Variants in DMRTA2 observed in about 807,000 individuals in gnomAD.
DMRTA2 encodes the protein doublesex- and mab-3-related transcription factor A2.
A neutral mutation model predicts 29.7 loss-of-function variants in DMRTA2; 10 were observed. That is an observed-to-expected ratio of 0.34 (90% CI 0.21 to 0.57). The LOEUF is 0.57. Ranked by LOEUF, DMRTA2 falls within the 20% of genes least tolerant of loss-of-function variation. The pLI is 0.87. For synonymous variants in DMRTA2, 469 were observed against 402.6 expected, an observed-to-expected ratio of 1.16 and a Z score of -1.97; for missense variants, 783 against 812.1, an observed-to-expected ratio of 0.96 and a Z score of 0.44.
Position 50,421,025 on chromosome 1 carries a change from C to T in DMRTA2, c.512G>A (p.Gly171Glu). 2 of 1,509,530 alleles carry T rather than the reference C, an allele frequency of 1.3e-6. No individual in the cohort carries two copies. The highest frequency in any genetic ancestry group is 1.8e-6 in the Non-Finnish European group (2 of 1,135,732). 93.5% of individuals were successfully genotyped at this position (1,509,530 alleles called of 1,614,324 possible). ...TCCGCCTCCGGTCCCCGCGGGCGCT[C>T]CCGCTCCAGGTCCCCCGCCGTCGGC... ...CAADGGGPGAGAPAGTGGGAA... is the reference protein window; with the variant it reads ...CAADGGGPGAEAPAGTGGGAA... Residue 171 changes from glycine to glutamate, a missense_variant, in exon 2 of 3, where the codon GGA becomes GAA. Around this residue, in one of 3 missense-constraint regions of DMRTA2, gnomAD observed 667 missense variants for 624.8 expected, o/e 1.07. Coordinates refer to ENST00000404795, the MANE Select transcript of DMRTA2 (RefSeq NM_032110.3). This position sits in a 1 kb window ranked among gnomAD's most constrained non-coding sequence, Gnocchi z 8.7.
Position 50,422,676 on chromosome 1 carries a change from G to A in DMRTA2, c.-9+440C>T, listed in dbSNP as rs1007763917. On this transcript the variant is annotated intron_variant, in intron 1 of 2. Transcript: ENST00000404795. This position sits in a 1 kb window ranked among gnomAD's most constrained non-coding sequence, Gnocchi z 5.7. ...CCTCCCCTCCGGGTTTAGGGACAGAGTCGTCAGACACGCCCTCCCCGTCTT... is the reference window on the plus strand; with the variant it reads ...CCTCCCCTCCGGGTTTAGGGACAGAATCGTCAGACACGCCCTCCCCGTCTT... Among the ~76,000 whole-genome samples the A allele has an allele frequency of 2.6e-5, 4 of 152,200 alleles. No homozygotes were observed. Among genetic ancestry groups the A allele is most frequent in the African/African-American group, 7.2e-5 (3 of 41,454 alleles).
Position 50,421,474 on chromosome 1 carries a change from C to T in DMRTA2, c.63G>A (p.Ala21=). 7.8e-7 allele frequency: 1 copy of T among 1,277,548 alleles called. No individual in the cohort carries two copies. The highest frequency in any genetic ancestry group is 9.8e-7 in the Non-Finnish European group (1 of 1,018,360). The allele number at this position is 1,277,548 out of a possible 1,614,324, so 79.1% of individuals were successfully genotyped here. The part of the protein sequence containing the change: ...PGAATAAAAT[A]TGPPVASVAS... Reference sequence around the variant, plus strand: ...CCACCGACGCCACAGGCGGCCCCGTCGCTGTTGCCGCCGCCGCCGTCGCCG... The same window carrying T: ...CCACCGACGCCACAGGCGGCCCCGTTGCTGTTGCCGCCGCCGCCGTCGCCG... The change falls in exon 2 of 3, where the codon GCG becomes GCA. Residue 21 remains alanine, a synonymous_variant. Coordinates refer to ENST00000404795, the MANE Select transcript of DMRTA2 (RefSeq NM_032110.3). The surrounding 1 kb of genome is among the most constrained non-coding windows in gnomAD (Gnocchi z 8.7).
In DMRTA2 at chr1:50,418,663, C is replaced by T; in HGVS notation, c.*2G>A. 1 of 1,394,448 alleles carries T rather than the reference C, an allele frequency of 7.2e-7. No individual in the cohort carries two copies. The allele number at this position is 1,394,448 out of a possible 1,614,324, so 86.4% of individuals were successfully genotyped here. On this transcript the variant is annotated 3_prime_UTR_variant, in exon 3 of 3. Transcript: ENST00000404795. The stretch of plus-strand genomic sequence containing the variant: ...GACCGGCCGGCTGCCAGGCCCCTCG[C>T]CCTACTGCTTCTCCGGAGCGCCGTT...
Position 50,419,262 on chromosome 1 carries a change from C to T in DMRTA2, c.1032G>A (p.Val344=). Residue 344 remains valine (V), a synonymous_variant, in exon 3 of 3, where the codon GTG becomes GTA. Transcript: ENST00000404795. The surrounding 1 kb of genome is among the most constrained non-coding windows in gnomAD (Gnocchi z 6.1). ...LVLQGCGGDV[V]QAIEQVLNHH... Reference sequence around the variant, plus strand: ...GGTTCAGCACCTGCTCGATGGCCTGCACCACGTCGCCGCCGCAGCCCTGCA... The same window carrying T: ...GGTTCAGCACCTGCTCGATGGCCTGTACCACGTCGCCGCCGCAGCCCTGCA... The T allele has an allele frequency of 6.3e-7, 1 of 1,587,342 alleles. No individual in the cohort carries two copies. Among genetic ancestry groups the T allele is most frequent in the Non-Finnish European group, 8.5e-7 (1 of 1,175,266 alleles).
In DMRTA2 at chr1:50,422,928, C is replaced by T. The variant is rs1646049247; in HGVS notation, c.-9+188G>A. Among the ~76,000 whole-genome samples, 2 of 152,232 alleles carry T rather than the reference C, an allele frequency of 1.3e-5. No individual in the cohort carries two copies. The highest frequency in any genetic ancestry group is 2.1e-4 in the South Asian group (1 of 4,834). The stretch of plus-strand genomic sequence containing the variant: ...CTCCTCTGCTTCCCGCGTTCCCCGT[C>T]CCTGCCAGAGCCCGCGACAGAGTCC... On this transcript the variant is annotated intron_variant, in intron 1 of 2. Coordinates refer to ENST00000404795, the MANE Select transcript of DMRTA2 (RefSeq NM_032110.3). The surrounding 1 kb of genome is among the most constrained non-coding windows in gnomAD (Gnocchi z 5.7).
Position 50,418,813 on chromosome 1 carries a change from G to C in DMRTA2, c.1481C>G (p.Thr494Arg), listed in dbSNP as rs1251801538. The part of the protein sequence containing the change: ...APYSTAGLVP[T>R]LGFRPPMDYA... The stretch of plus-strand genomic sequence containing the variant: ...GTCCATGGGTGGGCGGAAGCCGAGC[G>C]TGGGCACCAAGCCGGCAGTGGAGTA... The change falls in exon 3 of 3, where the codon ACG becomes AGG. Residue 494 changes from threonine to arginine, a missense_variant. Physicochemically the swap from Thr to Arg is moderately conservative, Grantham distance 71. Around this residue, in one of 3 missense-constraint regions of DMRTA2, gnomAD observed 667 missense variants for 624.8 expected, o/e 1.07. Transcript: ENST00000404795. 2 of 1,588,212 alleles carry C rather than the reference G, an allele frequency of 1.3e-6. No individual in the cohort carries two copies. Among genetic ancestry groups the C allele is most frequent in the East Asian group, 4.8e-5 (2 of 42,088 alleles).
Position 50,421,061 on chromosome 1 carries a change from G to A in DMRTA2, c.476C>T (p.Ser159Leu). Residue 159 changes from serine to leucine, a missense_variant, in exon 2 of 3, where the codon TCA becomes TTA. Physicochemically the swap from Ser to Leu is moderately radical, Grantham distance 145. Transcript: ENST00000404795. The surrounding 1 kb of genome is among the most constrained non-coding windows in gnomAD (Gnocchi z 8.7). ...TCCCCCGCCGTCGGCGGCGCACACT[G>A]AACCGAAGACCTCGTAGGCGGGCCT... is the stretch of plus-strand genomic sequence containing the variant. Reference protein sequence around the residue: ...PPRPAYEVFGSVCAADGGGPG... With the variant: ...PPRPAYEVFGLVCAADGGGPG... 6.6e-7 allele frequency: 1 copy of A among 1,519,934 alleles called. No homozygotes were observed. Among genetic ancestry groups the A allele is most frequent in the Non-Finnish European group, 8.8e-7 (1 of 1,139,906 alleles). The allele number at this position is 1,519,934 out of a possible 1,614,324, so 94.2% of individuals were successfully genotyped here. A position where few individuals can be genotyped will look rare whatever the true frequency, so the allele number is the denominator to read the frequency against.
rs1391803999 is a variant in DMRTA2, at chr1:50,421,047, C to G, written c.490G>C (p.Asp164His). 6.6e-7 allele frequency: 1 copy of G among 1,512,012 alleles called. No individual in the cohort carries two copies. Among genetic ancestry groups the G allele is most frequent in the Admixed American group, 2.1e-5 (1 of 48,410 alleles). The allele number at this position is 1,512,012 out of a possible 1,614,324, so 93.7% of individuals were successfully genotyped here. A position where few individuals can be genotyped will look rare whatever the true frequency, so the allele number is the denominator to read the frequency against. The change falls in exon 2 of 3, where the codon GAC becomes CAC. Residue 164 changes from aspartate to histidine, a missense_variant. Coordinates refer to ENST00000404795, the MANE Select transcript of DMRTA2 (RefSeq NM_032110.3). The surrounding 1 kb of genome is among the most constrained non-coding windows in gnomAD (Gnocchi z 8.7). The stretch of plus-strand genomic sequence containing the variant: ...GCTCCCGCTCCAGGTCCCCCGCCGT[C>G]GGCGGCGCACACTGAACCGAAGACC... ...YEVFGSVCAADGGGPGAGAPA... is the reference protein window; with the variant it reads ...YEVFGSVCAAHGGGPGAGAPA...
rs1312322366 is a variant in DMRTA2, at chr1:50,422,125, A to G, written c.-8-581T>C. Among the ~76,000 whole-genome samples the G allele has an allele frequency of 6.6e-6, 1 of 152,164 alleles. No individual in the cohort carries two copies. The highest frequency in any genetic ancestry group is 1.9e-4 in the East Asian group (1 of 5,192). On this transcript the variant is annotated intron_variant, in intron 1 of 2. Transcript: ENST00000404795. The surrounding 1 kb of genome is among the most constrained non-coding windows in gnomAD (Gnocchi z 5.7). The stretch of plus-strand genomic sequence containing the variant: ...GTTTCTTTTTGTTTGTTTATTTTTA[A>G]TGCAGTTTGGGGCAGAAGCTTTGGA...
At position 50,418,824 on chromosome 1, in the gene DMRTA2, G is replaced by A. The variant is rs772087668; in HGVS notation, c.1470C>T (p.Gly490=). Residue 490 remains glycine, a synonymous_variant, in exon 3 of 3, where the codon GGC becomes GGT. Transcript: ENST00000404795. ...GGCGGAAGCCGAGCGTGGGCACCAA[G>A]CCGGCAGTGGAGTAGGGCGCCATGA... ...LAFMAPYSTA[G]LVPTLGFRPP... is the part of the protein sequence containing the mutation. The A allele has an allele frequency of 1.4e-5, 22 of 1,587,782 alleles. No homozygotes were observed. The East Asian group carries it at 4.0e-4, about 29-fold the overall frequency.
rs1220920975 is a variant in DMRTA2, at chr1:50,421,627, C to G, written c.-8-83G>C. On this transcript the variant is annotated intron_variant, in intron 1 of 2. Transcript: ENST00000404795. This position sits in a 1 kb window ranked among gnomAD's most constrained non-coding sequence, Gnocchi z 8.7. ...AGGCCAAAGCGCCGCCTTGAGGAAC[C>G]CAAGCTGGAGAGGGAAATTTGGGCC... is the stretch of plus-strand genomic sequence containing the variant. The G allele has an allele frequency of 4.2e-6, 5 of 1,198,716 alleles. No homozygotes were observed. Among genetic ancestry groups the G allele is most frequent in the Non-Finnish European group, 5.2e-6 (5 of 967,722 alleles). The allele number at this position is 1,198,716 out of a possible 1,614,324, so 74.3% of individuals were successfully genotyped here.
chr1:50,418,524 A>G lies in DMRTA2; in HGVS notation c.*141T>C. The G allele has an allele frequency of 2.9e-6, 2 of 680,496 alleles. No individual in the cohort carries two copies. Among genetic ancestry groups the G allele is most frequent in the Non-Finnish European group, 4.2e-6 (2 of 478,224 alleles). 42.2% of individuals were successfully genotyped at this position (680,496 alleles called of 1,614,324 possible). A position where few individuals can be genotyped will look rare whatever the true frequency, so the allele number is the denominator to read the frequency against. On this transcript the variant is annotated 3_prime_UTR_variant, in exon 3 of 3. Coordinates refer to ENST00000404795, the MANE Select transcript of DMRTA2 (RefSeq NM_032110.3). ...CAGCCTTCCCCACCCACCCTCCTAA[A>G]CAAAACCCAAAAACCACCTTAGAGT...
rs3862270 is a variant in DMRTA2 at position 50,419,034 on chromosome 1, C to T, written c.1260G>A (p.Leu420=). 3.7e-3 allele frequency: 5,055 copies of T among 1,384,618 alleles called. 143 individuals carry two copies. The African/African-American group carries it at 0.063, about 17-fold the overall frequency. The allele number at this position is 1,384,618 out of a possible 1,614,324, so 85.8% of individuals were successfully genotyped here. A position where few individuals can be genotyped will look rare whatever the true frequency, so the allele number is the denominator to read the frequency against. ...PAAPPHHRPL[L]AGAMAPGALG... ...GCGCCCCAGGCGCCATGGCGCCGGC[C>T]AGCAAGGGTCTGTGGTGCGGAGGTG... is the stretch of plus-strand genomic sequence containing the variant. The change falls in exon 3 of 3, where the codon CTG becomes CTA. Residue 420 remains leucine (L), a synonymous_variant. Coordinates refer to ENST00000404795, the MANE Select transcript of DMRTA2 (RefSeq NM_032110.3). The surrounding 1 kb of genome is among the most constrained non-coding windows in gnomAD (Gnocchi z 6.1).
In DMRTA2 at chr1:50,420,926, C is replaced by T; in HGVS notation, c.559+52G>A. On this transcript the variant is annotated intron_variant, in intron 2 of 2. Coordinates refer to ENST00000404795, the MANE Select transcript of DMRTA2 (RefSeq NM_032110.3). The surrounding 1 kb of genome is among the most constrained non-coding windows in gnomAD (Gnocchi z 4.1). The stretch of plus-strand genomic sequence containing the variant: ...CCGAGACAAGCCCCTGGGCCCCGTG[C>T]CCCAGAGCTACGATCCTGCTGCCCC... The T allele has an allele frequency of 3.6e-6, 5 of 1,399,222 alleles. No individual in the cohort carries two copies. Among genetic ancestry groups the T allele is most frequent in the Middle Eastern group, 2.6e-4 (1 of 3,826 alleles). The allele number at this position is 1,399,222 out of a possible 1,614,324, so 86.7% of individuals were successfully genotyped here.
chr1:50,421,652 C>T lies in DMRTA2; in HGVS notation c.-8-108G>A, dbSNP rs1646040057. 2 of 1,182,266 alleles carry T rather than the reference C, an allele frequency of 1.7e-6. No individual in the cohort carries two copies. Among genetic ancestry groups the T allele is most frequent in the Admixed American group, 4.5e-5 (1 of 22,322 alleles). 73.2% of individuals were successfully genotyped at this position (1,182,266 alleles called of 1,614,324 possible). A position where few individuals can be genotyped will look rare whatever the true frequency, so the allele number is the denominator to read the frequency against. On this transcript the variant is annotated intron_variant, in intron 1 of 2. Transcript: ENST00000404795. This position sits in a 1 kb window ranked among gnomAD's most constrained non-coding sequence, Gnocchi z 8.7. ...CCAAGCTGGAGAGGGAAATTTGGGC[C>T]GCGGAGGCTGGGCTAGAGGGGCCAG... is the stretch of plus-strand genomic sequence containing the variant.
At position 50,418,821 on chromosome 1, in the gene DMRTA2, C is replaced by T; in HGVS notation, c.1473G>A (p.Leu491=). 1 of 1,588,436 alleles carries T rather than the reference C, an allele frequency of 6.3e-7. No homozygotes were observed. The highest frequency in any genetic ancestry group is 8.5e-7 in the Non-Finnish European group (1 of 1,170,204). The change falls in exon 3 of 3, where the codon TTG becomes TTA. Residue 491 remains leucine, a synonymous_variant. Coordinates refer to ENST00000404795, the MANE Select transcript of DMRTA2 (RefSeq NM_032110.3). ...AFMAPYSTAG[L]VPTLGFRPPM... is the part of the protein sequence containing the mutation. ...GTGGGCGGAAGCCGAGCGTGGGCAC[C>T]AAGCCGGCAGTGGAGTAGGGCGCCA...
At position 50,417,701 on chromosome 1, in the gene DMRTA2, G is replaced by C. The variant is rs1374194993; in HGVS notation, c.*964C>G. On this transcript the variant is annotated 3_prime_UTR_variant, in exon 3 of 3. Coordinates refer to ENST00000404795, the MANE Select transcript of DMRTA2 (RefSeq NM_032110.3). ...GGCGAGGATGGGCCCGCGAGCGGGC[G>C]GTTCTGGCTCAGTCACACGTCGCTC... 1.3e-5 allele frequency: 2 copies of C among 152,254 alleles called. No homozygotes were observed. Among genetic ancestry groups the C allele is most frequent in the African/African-American group, 2.4e-5 (1 of 41,446 alleles). The allele number at this position is 152,254 out of a possible 1,614,324, so 9.4% of individuals were successfully genotyped here. A position where few individuals can be genotyped will look rare whatever the true frequency, so the allele number is the denominator to read the frequency against.
chr1:50,419,553 A>G lies in DMRTA2; in HGVS notation c.741T>C (p.Phe247=). ...SGSENGDGES[F]SGSPLARASK... ...AGGCCCGAGCTAGGGGCGAACCAGA[A>G]AAGGACTCGCCATCGCCGTTCTCCG... Residue 247 remains phenylalanine (F), a synonymous_variant, in exon 3 of 3, where the codon TTT becomes TTC. Coordinates refer to ENST00000404795, the MANE Select transcript of DMRTA2 (RefSeq NM_032110.3). This position sits in a 1 kb window ranked among gnomAD's most constrained non-coding sequence, Gnocchi z 6.1. The G allele has an allele frequency of 6.4e-7, 1 of 1,568,004 alleles. No homozygotes were observed. Among genetic ancestry groups the G allele is most frequent in the South Asian group, 1.2e-5 (1 of 84,732 alleles).
chr1:50,419,135 C>T lies in DMRTA2; in HGVS notation c.1159G>A (p.Val387Ile). ...AAADDAWPSR[V>I]DAAAAAAAAA... ...GCGGCGGCGGCGGCGGCGGCGTCGA[C>T]GCGGCTGGGCCACGCGTCGTCTGCA... The change falls in exon 3 of 3, where the codon GTC (valine) becomes ATC (isoleucine). Residue 387 changes from valine to isoleucine, a missense_variant. Coordinates refer to ENST00000404795, the MANE Select transcript of DMRTA2 (RefSeq NM_032110.3). This position sits in a 1 kb window ranked among gnomAD's most constrained non-coding sequence, Gnocchi z 6.1. The T allele has an allele frequency of 8.4e-7, 1 of 1,184,640 alleles. No homozygotes were observed. The highest frequency in any genetic ancestry group is 4.1e-5 in the South Asian group (1 of 24,112). The allele number at this position is 1,184,640 out of a possible 1,614,324, so 73.4% of individuals were successfully genotyped here. A position where few individuals can be genotyped will look rare whatever the true frequency, so the allele number is the denominator to read the frequency against.
Sources: gnomAD v4.1 joint callset for allele counts (sites outside exome capture counted in the v4.1 genomes callset) on GRCh38, gnomAD v4.1.1 for gene constraint, gnomAD v4.1.1 regional missense constraint, Gnocchi (gnomAD v3.1) non-coding constraint, MANE v1.5 for transcripts, NCBI Gene and HGNC (gene_info 2026-07-23, HGNC 2026-07-21) for gene names.